Variants in PCDHGB6 observed in about 807,000 individuals in gnomAD.
PCDHGB6 encodes the protein protocadherin gamma-B6.
A neutral mutation model predicts 59.1 loss-of-function variants in PCDHGB6; 51 were observed. The ratio of observed to expected loss-of-function variants is 0.86; its 90% CI spans 0.69 to 1.09. The LOEUF is 1.09. Ranked by LOEUF, PCDHGB6 falls within the 50% of genes least tolerant of loss-of-function variation. The pLI, the probability that PCDHGB6 is intolerant of heterozygous loss-of-function variation, is 0.00. For synonymous variants in PCDHGB6, 466 were observed against 495.1 expected (o/e 0.94, Z 0.78); for missense variants, 1,148 against 1,205.1 (o/e 0.95, Z 0.70).
At chr5:141,499,620 G>A (rs557854340) in intron 2 of PCDHGB6, among the ~76,000 whole-genome samples, 1 of 150,986 alleles carries the variant, frequency 6.6e-6, no homozygotes, top group Non-Finnish European at 1.5e-5. Context: ...TCCTGTCCTT[G>A]GATTCTTTTG....
chr5:141,463,373 GTCTGAAAGTT>G (rs1463437299), intron 1 of PCDHGB6, among the ~76,000 whole-genome samples: 1 of 147,058 alleles, frequency 6.8e-6, no homozygotes, highest in Non-Finnish European at 1.5e-5. Context: ...CTGCCCCACA[GTCTGAAAGTT>G]GTCTCCAGGC....
At chr5:141,492,265 G>C (rs1363279754) in intron 1 of PCDHGB6, among the ~76,000 whole-genome samples, 1 of 152,180 alleles carries the variant, frequency 6.6e-6, no homozygotes, top group Non-Finnish European at 1.5e-5. Flanking sequence ...CAAGTTGCAC[G>C]GGCTCGCCAC....
rs768812729 is a variant in PCDHGB6, at chr5:141,491,543, A to T, written c.2419-3264A>T. 2.5e-6 allele frequency: 4 copies of T among 1,613,842 alleles called. No individual in the cohort carries two copies. The highest frequency in any genetic ancestry group is 3.4e-6 in the Non-Finnish European group (4 of 1,179,982). The stretch of plus-strand genomic sequence containing the variant: ...ATGGAGGTGACGCTGCGGCCCACAG[A>T]CTCGCAGAGCCACTGCTACAGGACG... On this transcript the variant is annotated intron_variant, in intron 1 of 3. Transcript: ENST00000520790. This position sits in a 1 kb window ranked among gnomAD's most constrained non-coding sequence, Gnocchi z 6.9.
intron 1 of PCDHGB6, chr5:141,424,773 T>C (rs1398493027): frequency 6.6e-6 from 1 of 152,206 alleles, no homozygotes; most frequent in African/African-American, 2.4e-5. Flanking sequence ...TGGCAAATAG[T>C]ACATTCAGTT....
At chr5:141,505,554 C>T in intron 3 of PCDHGB6, 73 bp downstream of exon 3, 1 of 1,606,130 alleles carries the variant, frequency 6.2e-7, no homozygotes, top group Non-Finnish European at 8.5e-7. Context: ...AGCCACCATG[C>T]CCACGGACTG....
At chr5:141,509,968 C>A (rs1450809995) in intron 3 of PCDHGB6, among the ~76,000 whole-genome samples, 1 of 152,166 alleles carries the variant, frequency 6.6e-6, no homozygotes, top group Non-Finnish European at 1.5e-5. Context: ...TGGCCTTGGT[C>A]CTTCTAACAC....
intron 1 of PCDHGB6, chr5:141,423,252 C>T (rs2096724826): frequency 1.2e-6 from 2 of 1,613,802 alleles, no homozygotes; most frequent in South Asian, 2.2e-5. Context: ...TCCTGGCGGA[C>T]CTCGGCAGCC....
At chr5:141,433,607 G>A (rs1209706866) in intron 1 of PCDHGB6, among the ~76,000 whole-genome samples, 2 of 152,078 alleles carry the variant, frequency 1.3e-5, no homozygotes, top group East Asian at 1.9e-4. Context: ...AGGCCGAGGC[G>A]GGTGGATCAC....
chr5:141,497,413 T>A (rs572922456), intron 2 of PCDHGB6, among the ~76,000 whole-genome samples: 1 of 151,928 alleles, frequency 6.6e-6, no homozygotes, highest in African/African-American at 2.4e-5. Context: ...TCCCATTCCA[T>A]CAAATGAGAG....
chr5:141,427,975 C>T lies in PCDHGB6; in HGVS notation c.2418+17355C>T, dbSNP rs757718263. ...AATGTGCCGCGGGTGCTGTACCCCGCGCTGGGGCCCGATGGCTCCGCACTC... is the reference window on the plus strand; with the variant it reads ...AATGTGCCGCGGGTGCTGTACCCCGTGCTGGGGCCCGATGGCTCCGCACTC... On this transcript the variant is annotated intron_variant, in intron 1 of 3. Transcript: ENST00000520790. The T allele has an allele frequency of 1.9e-6, 3 of 1,594,600 alleles. No individual in the cohort carries two copies. In the South Asian group the frequency reaches 3.3e-5, roughly 18 times the overall value.
chr5:141,487,123 T>C lies in PCDHGB6; in HGVS notation c.2419-7684T>C. 6.2e-7 allele frequency: 1 copy of C among 1,614,086 alleles called. No homozygotes were observed. The highest frequency in any genetic ancestry group is 1.1e-5 in the South Asian group (1 of 91,082). On this transcript the variant is annotated intron_variant, in intron 1 of 3. Coordinates refer to ENST00000520790, the MANE Select transcript of PCDHGB6 (RefSeq NM_018926.3). The surrounding 1 kb of genome is among the most constrained non-coding windows in gnomAD (Gnocchi z 5.0). ...AGCTGGTCATTGTGGTAAAGGATAG[T>C]GGTAGTCCACCACTCTCTACCTCTG...
At chr5:141,427,692 C>A in intron 1 of PCDHGB6, 1 of 903,150 alleles carries the variant, frequency 1.1e-6, no homozygotes, top group Non-Finnish European at 1.8e-6. Context: ...AGCCTCCATC[C>A]CACAAGTCAG....
At chr5:141,445,357 G>A (rs115045385) in intron 1 of PCDHGB6, among the ~76,000 whole-genome samples, 18 of 152,258 alleles carry the variant, frequency 1.2e-4, no homozygotes, top group Admixed American at 1.1e-3. Context: ...GTCTGCCCAA[G>A]TCTGGTCCTG....
At chr5:141,435,180 C>G (rs1341148119) in intron 1 of PCDHGB6, among the ~76,000 whole-genome samples, 1 of 152,074 alleles carries the variant, frequency 6.6e-6, no homozygotes, top group African/African-American at 2.4e-5. Context: ...TTTAACTACA[C>G]TTGAGATGGC....
chr5:141,418,058 C>A (rs2096216434), intron 1 of PCDHGB6: 1 of 1,613,872 alleles, frequency 6.2e-7, no homozygotes, highest in Non-Finnish European at 8.5e-7. Flanking sequence ...TCGCGAGCTG[C>A]GAGTGAGCGC....
At position 141,510,842 on chromosome 5, in the gene PCDHGB6, G is replaced by A. The variant is rs531098325; in HGVS notation, c.2567-105G>A. 8.7e-5 allele frequency: 138 copies of A among 1,590,280 alleles called. No homozygotes were observed. The African/African-American group carries it at 1.7e-3, about 19-fold the overall frequency. ...TATTCCCAGTGCTCAGCGTGGTCAA[G>A]GCCCAGGGTGCTGTATAGGCATTCA... On this transcript the variant is annotated intron_variant, in intron 3 of 3. Coordinates refer to ENST00000520790, the MANE Select transcript of PCDHGB6 (RefSeq NM_018926.3).
chr5:141,477,710 GA>G lies in PCDHGB6; in HGVS notation c.2419-17095del. ...GCCCCTAGACTATGAGGATCGGCGG[GA>G]ATTTGAATTAACAGCTCATATCAGC... On this transcript the variant is annotated intron_variant, in intron 1 of 3. Coordinates refer to ENST00000520790, the MANE Select transcript of PCDHGB6 (RefSeq NM_018926.3). This position sits in a 1 kb window ranked among gnomAD's most constrained non-coding sequence, Gnocchi z 4.9. 2 of 1,613,918 alleles carry G rather than the reference GA, an allele frequency of 1.2e-6. No individual in the cohort carries two copies. Among genetic ancestry groups the G allele is most frequent in the Non-Finnish European group, 1.7e-6 (2 of 1,180,044 alleles).
chr5:141,415,740 G>GTTTTTTTTTTTTTTTTTTTTTTTTTT, intron 1 of PCDHGB6: 11 of 617,992 alleles, frequency 1.8e-5, no homozygotes, highest in Middle Eastern at 5.6e-4. Context: ...GTTTATTAAG[G>GTTTTTTTTTTTTTTTTTTTTTTTTTT]TTTTTTTTTT....
In PCDHGB6 at chr5:141,486,913, G is replaced by A. The variant is rs2099636995; in HGVS notation, c.2419-7894G>A. ...CTGGTTCCTTATGTCCCCAAGCACT[G>A]CCTCCATCAGTTGGTGCTGGCCACC... On this transcript the variant is annotated intron_variant, in intron 1 of 3. Transcript: ENST00000520790. The surrounding 1 kb of genome is among the most constrained non-coding windows in gnomAD (Gnocchi z 5.0). The A allele has an allele frequency of 1.9e-6, 3 of 1,614,092 alleles. No individual in the cohort carries two copies. The highest frequency in any genetic ancestry group is 1.3e-5 in the African/African-American group (1 of 74,938).
Sources: gnomAD v4.1 joint callset for allele counts (sites outside exome capture counted in the v4.1 genomes callset) on GRCh38, gnomAD v4.1.1 for gene constraint, Gnocchi (gnomAD v3.1) non-coding constraint, MANE v1.5 for transcripts, NCBI Gene and HGNC (gene_info 2026-07-23, HGNC 2026-07-21) for gene names.